Variants in NANOGNB observed in about 807,000 individuals in gnomAD.
NANOGNB encodes the protein homeobox C14.
NANOGNB carries 30 observed loss-of-function variants against 25.0 expected under a neutral mutation model. The ratio of observed to expected loss-of-function variants is 1.20; its 90% CI spans 0.90 to 1.63. The LOEUF is 1.63. NANOGNB is among the 40% of genes most tolerant of loss of function. NANOGNB has a pLI of 0.00. For missense variants in NANOGNB, 200 were observed against 188.1 expected, an observed-to-expected ratio of 1.06 and a Z score of -0.37; for synonymous variants, 84 against 62.1, an observed-to-expected ratio of 1.35 and a Z score of -1.66.
chr12:7,774,090 G>T lies in NANOGNB; in HGVS notation c.*239G>T. The stretch of plus-strand genomic sequence containing the variant: ...AAAGTTTTTATAATGGATGTTAATT[G>T]ATTTTATTTAAGAAAAAAAATCGAG... On this transcript the variant is annotated 3_prime_UTR_variant, in exon 4 of 4. Transcript: ENST00000382119. The T allele has an allele frequency of 2.7e-5, 8 of 293,642 alleles. No individual in the cohort carries two copies. The highest frequency in any genetic ancestry group is 5.6e-5 in the East Asian group (1 of 17,882). 18.2% of individuals were successfully genotyped at this position (293,642 alleles called of 1,614,324 possible).
chr12:7,765,336 C>G lies in NANOGNB; in HGVS notation c.51C>G (p.Ala17=). Residue 17 remains alanine, a synonymous_variant, in exon 1 of 4, where the codon GCC becomes GCG. Coordinates refer to ENST00000382119, the MANE Select transcript of NANOGNB (RefSeq NM_001145465.1). The part of the protein sequence containing the change: ...LTPVIPALWE[A]EAGRSRGQEI... ...CTGTAATCCCAGCACTTTGGGAGGC[C>G]GAGGCGGGCAGATCACGAGGTCAGG... 2.5e-6 allele frequency: 2 copies of G among 800,262 alleles called. No individual in the cohort carries two copies. The highest frequency in any genetic ancestry group is 3.6e-6 in the Non-Finnish European group (2 of 550,472). The allele number at this position is 800,262 out of a possible 1,614,324, so 49.6% of individuals were successfully genotyped here. A position where few individuals can be genotyped will look rare whatever the true frequency, so the allele number is the denominator to read the frequency against.
At chr12:7,766,572 T>C (rs1474367608) in intron 1 of NANOGNB, among the ~76,000 whole-genome samples, 1 of 151,828 alleles carries the variant, frequency 6.6e-6, no homozygotes, top group East Asian at 1.9e-4. Context: ...GGCCATTTGA[T>C]TTCTTTTCTT....
At chr12:7,767,232 T>C (rs1865253757) in intron 1 of NANOGNB, among the ~76,000 whole-genome samples, 1 of 152,110 alleles carries the variant, frequency 6.6e-6, no homozygotes. Context: ...GATTGGAGAA[T>C]ATTCAAGAGA....
intron 1 of NANOGNB, among the ~76,000 whole-genome samples, chr12:7,766,820 G>A (rs1346434124): frequency 2.0e-5 from 3 of 151,704 alleles, no homozygotes; most frequent in Non-Finnish European, 2.9e-5. Flanking sequence ...GACCCTCCAC[G>A]CCTGGCCTTT....
At chr12:7,771,282 G>A (rs1050558096) in intron 3 of NANOGNB, among the ~76,000 whole-genome samples, 6 of 152,018 alleles carry the variant, frequency 3.9e-5, no homozygotes, top group Non-Finnish European at 7.4e-5. Context: ...GTGCAGTGGC[G>A]CGATCTCGGC....
chr12:7,765,294 G>C lies in NANOGNB; in HGVS notation c.9G>C (p.Arg3=). MH[R]ARWLTPVIPA... ...GTCTTTAAAACTCCTCAATGCACCG[G>C]GCGCGGTGGCTCACGCCTGTAATCC... is the stretch of plus-strand genomic sequence containing the variant. The change falls in exon 1 of 4, where the codon CGG becomes CGC. Residue 3 remains arginine, a synonymous_variant. Coordinates refer to ENST00000382119, the MANE Select transcript of NANOGNB (RefSeq NM_001145465.1). The C allele has an allele frequency of 7.8e-7, 1 of 1,278,248 alleles. No homozygotes were observed. The highest frequency in any genetic ancestry group is 1.2e-5 in the South Asian group (1 of 80,696). 79.2% of individuals were successfully genotyped at this position (1,278,248 alleles called of 1,614,324 possible).
At chr12:7,773,216 C>T (rs988976453) in intron 3 of NANOGNB, among the ~76,000 whole-genome samples, 3 of 151,220 alleles carry the variant, frequency 2.0e-5, no homozygotes, top group Non-Finnish European at 4.4e-5. Context: ...CTCAGCCTCC[C>T]GAGTAGCTGG....
At chr12:7,766,210 C>A (rs1865242917) in intron 1 of NANOGNB, 2 of 398,542 alleles carry the variant, frequency 5.0e-6, no homozygotes. Context: ...GTGGCTCACA[C>A]CTCAAATCCC....
Position 7,773,882 on chromosome 12 carries a change from G to C in NANOGNB, c.*31G>C. 1.6e-6 allele frequency: 1 copy of C among 608,840 alleles called. No individual in the cohort carries two copies. Among genetic ancestry groups the C allele is most frequent in the Non-Finnish European group, 2.9e-6 (1 of 345,640 alleles). 37.7% of individuals were successfully genotyped at this position (608,840 alleles called of 1,614,324 possible). On this transcript the variant is annotated 3_prime_UTR_variant, in exon 4 of 4. Transcript: ENST00000382119. Reference sequence around the variant, plus strand: ...CTATTTTGGCCTCCAGAAATGCTGTGATTACAAGCATGAGCCATCGCACTG... The same window carrying C: ...CTATTTTGGCCTCCAGAAATGCTGTCATTACAAGCATGAGCCATCGCACTG...
chr12:7,771,110 G>A (rs895563888), intron 3 of NANOGNB, among the ~76,000 whole-genome samples: 1 of 152,158 alleles, frequency 6.6e-6, no homozygotes, highest in African/African-American at 2.4e-5. Context: ...TGTCCTGTTT[G>A]TTCCTTTGAT....
At chr12:7,768,096 T>C (rs1865261458) in intron 1 of NANOGNB, among the ~76,000 whole-genome samples, 1 of 152,190 alleles carries the variant, frequency 6.6e-6, no homozygotes, top group African/African-American at 2.4e-5. Context: ...AATAGTCTAT[T>C]GTATAGATAT....
At chr12:7,771,756 G>C (rs1255704764) in intron 3 of NANOGNB, among the ~76,000 whole-genome samples, 1 of 152,040 alleles carries the variant, frequency 6.6e-6, no homozygotes, top group African/African-American at 2.4e-5. Context: ...GAGTAGCCGG[G>C]GTTACAGGCA....
At chr12:7,771,351 G>T (rs1388426830) in intron 3 of NANOGNB, among the ~76,000 whole-genome samples, 1 of 151,956 alleles carries the variant, frequency 6.6e-6, no homozygotes, top group Non-Finnish European at 1.5e-5. Flanking sequence ...CTCCTGAGTA[G>T]CTGGGACTAC....
At chr12:7,773,544 T>TCCA (rs1565472370) in intron 3 of NANOGNB, among the ~76,000 whole-genome samples, 2 of 6,262 alleles carry the variant, frequency 3.2e-4, no homozygotes, top group African/African-American at 9.8e-4. Context: ...CTACTAAAAA[T>TCCA]ACAAAAAAAA....
At chr12:7,771,499 G>A (rs1348658868) in intron 3 of NANOGNB, among the ~76,000 whole-genome samples, 1 of 152,248 alleles carries the variant, frequency 6.6e-6, no homozygotes, top group African/African-American at 2.4e-5. Context: ...GATTACAGGC[G>A]TGAGCCACCG....
intron 3 of NANOGNB, among the ~76,000 whole-genome samples, chr12:7,771,002 T>TCCG (rs1865287541): frequency 6.6e-6 from 1 of 152,184 alleles, no homozygotes; most frequent in African/African-American, 2.4e-5. Flanking sequence ...AGGCACACAC[T>TCCG]CACATATGCA....
intron 3 of NANOGNB, among the ~76,000 whole-genome samples, chr12:7,771,152 C>T (rs1261316781): frequency 1.3e-5 from 2 of 152,142 alleles, no homozygotes; most frequent in African/African-American, 4.8e-5. Flanking sequence ...TTGTTCCTCT[C>T]TAGTTAGTGG....
chr12:7,766,392 G>A (rs914324702), intron 1 of NANOGNB, among the ~76,000 whole-genome samples: 3 of 152,238 alleles, frequency 2.0e-5, no homozygotes, highest in East Asian at 1.9e-4. Context: ...AGAATCCTTC[G>A]AGCCCAGAAG....
chr12:7,770,241 T>C lies in NANOGNB; in HGVS notation c.361T>C (p.Phe121Leu). 6.4e-7 allele frequency: 1 copy of C among 1,550,520 alleles called. No individual in the cohort carries two copies. Among genetic ancestry groups the C allele is most frequent in the South Asian group, 1.2e-5 (1 of 83,414 alleles). ...CCTCATGCATACTCTCTGGGCAAAG[T>C]TTAAGTTAAACAGGTGCCCCACTAT... ...KSLMHTLWAK[F>L]KLNRCPTIQE... Residue 121 changes from phenylalanine (F) to leucine (L), a missense_variant, in exon 2 of 4, where the codon TTT (phenylalanine) becomes CTT (leucine). Transcript: ENST00000382119.
Sources: gnomAD v4.1 joint callset for allele counts (sites outside exome capture counted in the v4.1 genomes callset) on GRCh38, gnomAD v4.1.1 for gene constraint, MANE v1.5 for transcripts, NCBI Gene and HGNC (gene_info 2026-07-23, HGNC 2026-07-21) for gene names.